The following KCTD16 variants were observed in gnomAD, a reference collection of about 807,000 sequenced individuals.
KCTD16 encodes the protein potassium channel tetramerization domain containing 16, also known as BTB/POZ domain-containing protein KCTD16.
KCTD16 carries 13 observed loss-of-function variants against 33.2 expected under a neutral mutation model. The observed-to-expected ratio is 0.39, with a 90% CI of 0.25 to 0.62. The LOEUF (loss-of-function observed/expected upper bound fraction) is 0.62. Ranked by LOEUF, KCTD16 falls within the 20% of genes least tolerant of loss-of-function variation. The pLI, the probability that KCTD16 is intolerant of heterozygous loss-of-function variation, is 0.50. For synonymous variants in KCTD16, 197 were observed against 195.3 expected (o/e 1.01, Z -0.07); for missense variants, 441 against 525.1 (o/e 0.84, Z 1.57).
chr5:144,392,784 C>T (rs929534992), intron 3 of KCTD16, among the ~76,000 whole-genome samples: 34 of 152,168 alleles, frequency 2.2e-4, no homozygotes, highest in Admixed American at 9.2e-4. Flanking sequence ...GAGTGATTTG[C>T]TGTGTTCCCT....
chr5:144,251,957 T>A (rs999134757), intron 3 of KCTD16, among the ~76,000 whole-genome samples: 2 of 152,184 alleles, frequency 1.3e-5, no homozygotes, highest in Admixed American at 1.3e-4. Flanking sequence ...TTTTCCTACA[T>A]CTTTATTAAA....
intron 3 of KCTD16, among the ~76,000 whole-genome samples, chr5:144,404,226 G>A (rs1394682335): frequency 6.6e-6 from 1 of 152,098 alleles, no homozygotes; most frequent in East Asian, 1.9e-4. Context: ...CTCACCTATT[G>A]GCAGAAGGGA....
At chr5:144,421,516 A>G (rs528075991) in intron 3 of KCTD16, among the ~76,000 whole-genome samples, 13 of 152,136 alleles carry the variant, frequency 8.5e-5, no homozygotes, top group African/African-American at 2.9e-4. Context: ...TGCCATCAGT[A>G]CTCCATCTGG....
intron 3 of KCTD16, among the ~76,000 whole-genome samples, chr5:144,270,929 A>G (rs11747355): frequency 1.2e-3 from 190 of 152,090 alleles, no homozygotes; most frequent in Non-Finnish European, 2.3e-3. Flanking sequence ...GATAAAAAGA[A>G]CAAATTTGTA....
intron 3 of KCTD16, among the ~76,000 whole-genome samples, chr5:144,265,807 G>A (rs1040328422): frequency 6.6e-6 from 1 of 152,110 alleles, no homozygotes; most frequent in African/African-American, 2.4e-5. Flanking sequence ...ATTACTATTT[G>A]TATTGTCTCA....
intron 3 of KCTD16, among the ~76,000 whole-genome samples, chr5:144,423,707 G>A (rs540344222): frequency 6.6e-6 from 1 of 152,276 alleles, no homozygotes; most frequent in African/African-American, 2.4e-5. Flanking sequence ...ACCCAGTGGA[G>A]ATGAGACAAG....
intron 3 of KCTD16, among the ~76,000 whole-genome samples, chr5:144,346,557 C>G (rs1185584726): frequency 1.3e-5 from 2 of 152,138 alleles, no homozygotes; most frequent in Non-Finnish European, 2.9e-5. Context: ...GCCATTTTAA[C>G]TGGAATGAGA....
At chr5:144,222,384 A>G (rs984435100) in intron 3 of KCTD16, among the ~76,000 whole-genome samples, 3 of 152,222 alleles carry the variant, frequency 2.0e-5, no homozygotes, top group African/African-American at 7.2e-5. Context: ...ACATTAAAGT[A>G]AGATGCATAA....
At chr5:144,358,825 T>A (rs1274212261) in intron 3 of KCTD16, among the ~76,000 whole-genome samples, 2 of 152,202 alleles carry the variant, frequency 1.3e-5, no homozygotes, top group African/African-American at 4.8e-5. Context: ...CCTTTGGGCC[T>A]CTTTTATAAA....
At chr5:144,471,338 A>G (rs1021232250) in intron 3 of KCTD16, among the ~76,000 whole-genome samples, 11 of 152,202 alleles carry the variant, frequency 7.2e-5, no homozygotes, top group Non-Finnish European at 4.4e-5. Context: ...CTTGTTCAGC[A>G]GGGTTTATGG....
intron 3 of KCTD16, among the ~76,000 whole-genome samples, chr5:144,296,392 A>T (rs773024130): frequency 3.3e-5 from 5 of 152,232 alleles, no homozygotes; most frequent in Non-Finnish European, 5.9e-5. Context: ...AGAGGTAGGC[A>T]TGTTGGCAAC....
chr5:144,356,889 CTTTAT>C (rs1201994946), intron 3 of KCTD16, among the ~76,000 whole-genome samples: 5 of 151,692 alleles, frequency 3.3e-5, no homozygotes, highest in African/African-American at 9.7e-5. Context: ...ATTTTCTTTT[CTTTAT>C]TTTATTAATA....
At chr5:144,277,998 T>C (rs1407516199) in intron 3 of KCTD16, among the ~76,000 whole-genome samples, 1 of 152,170 alleles carries the variant, frequency 6.6e-6, no homozygotes, top group Non-Finnish European at 1.5e-5. Flanking sequence ...ATTTGCTAAA[T>C]TTCTACGAGC....
At chr5:144,276,447 G>A (rs772591344) in intron 3 of KCTD16, among the ~76,000 whole-genome samples, 2 of 152,128 alleles carry the variant, frequency 1.3e-5, no homozygotes, top group Non-Finnish European at 2.9e-5. Flanking sequence ...TTTGCATGTG[G>A]TTCATATTAG....
chr5:144,281,054 A>C (rs1253836081), intron 3 of KCTD16, among the ~76,000 whole-genome samples: 1 of 148,686 alleles, frequency 6.7e-6, no homozygotes, highest in East Asian at 1.9e-4. Context: ...TAGTGGTGGG[A>C]GCCTGTAGTT....
intron 3 of KCTD16, among the ~76,000 whole-genome samples, chr5:144,421,504 C>T (rs920092561): frequency 6.6e-6 from 1 of 152,102 alleles, no homozygotes; most frequent in African/African-American, 2.4e-5. Flanking sequence ...GACAGAATAT[C>T]ATGCCATCAG....
At chr5:144,380,682 T>C (rs1752194463) in intron 3 of KCTD16, among the ~76,000 whole-genome samples, 1 of 151,980 alleles carries the variant, frequency 6.6e-6, no homozygotes, top group Non-Finnish European at 1.5e-5. Flanking sequence ...AACTATATGA[T>C]CTTCAACAAA....
intron 3 of KCTD16, among the ~76,000 whole-genome samples, chr5:144,457,748 T>C (rs560864456): frequency 2.0e-5 from 3 of 152,288 alleles, no homozygotes; most frequent in Non-Finnish European, 2.9e-5. Flanking sequence ...CATGACAGTC[T>C]CATTTGATGT....
At chr5:144,266,797 C>G (rs1755157434) in intron 3 of KCTD16, among the ~76,000 whole-genome samples, 1 of 151,818 alleles carries the variant, frequency 6.6e-6, no homozygotes, top group Admixed American at 6.6e-5. Flanking sequence ...TTTTTTATAG[C>G]CAGCAGTTGG....
Sources: gnomAD v4.1 joint callset for allele counts (sites outside exome capture counted in the v4.1 genomes callset) on GRCh38, gnomAD v4.1.1 for gene constraint, MANE v1.5 for transcripts, NCBI Gene and HGNC (gene_info 2026-07-23, HGNC 2026-07-21) for gene names.